STARD9: variants seen among roughly 807,000 people sequenced by gnomAD.
STARD9 encodes the protein StAR related lipid transfer domain containing 9, also known as stAR-related lipid transfer protein 9.
A neutral mutation model predicts 399.8 loss-of-function variants in STARD9; 346 were observed. That is an observed-to-expected ratio of 0.87 (90% confidence interval 0.79 to 0.95). STARD9 has a LOEUF of 0.95. Ranked by LOEUF, STARD9 falls within the 40% of genes least tolerant of loss-of-function variation. The pLI is 0.00. For missense variants in STARD9, 5,832 were observed against 5,667.5 expected (o/e 1.03, Z -0.93); for synonymous variants, 2,203 against 2,143.5 (o/e 1.03, Z -0.77).
At chr15:42,583,314 A>G (rs1381870387) in intron 1 of STARD9, 32 bp from the exon 2 acceptor site, 2 of 1,501,630 alleles carry the variant, frequency 1.3e-6, no homozygotes, top group East Asian at 4.9e-5. Context: ...TTTAAAAACA[A>G]CATTTCTTCT....
At chr15:42,713,977 A>AT (rs2061302692) in intron 26 of STARD9, among the ~76,000 whole-genome samples, 1 of 151,634 alleles carries the variant, frequency 6.6e-6, no homozygotes, top group South Asian at 2.1e-4. Flanking sequence ...CGTTTGGTAG[A>AT]TTTTACTAAT....
chr15:42,692,252 C>T lies in STARD9; in HGVS notation c.10674C>T (p.Phe3558=), dbSNP rs762134317. 2.0e-6 allele frequency: 3 copies of T among 1,537,038 alleles called. No individual in the cohort carries two copies. Among genetic ancestry groups the T allele is most frequent in the Non-Finnish European group, 2.6e-6 (3 of 1,146,898 alleles). ...AQGSNEAWEV[F]RGSSSIALGD... ...GTTCAAATGAGGCCTGGGAAGTATT[C>T]CGAGGGAGTTCTTCAATTGCCTTAG... Residue 3558 remains phenylalanine (F), a synonymous_variant, in exon 23 of 33, where the codon TTC becomes TTT. Coordinates refer to ENST00000290607, the MANE Select transcript of STARD9 (RefSeq NM_020759.3).
chr15:42,639,493 T>C (rs1174828310), intron 7 of STARD9, among the ~76,000 whole-genome samples: 1 of 152,154 alleles, frequency 6.6e-6, no homozygotes, highest in Non-Finnish European at 1.5e-5. Flanking sequence ...ATCATTAAGG[T>C]AGGTCCTGCT....
At position 42,638,773 on chromosome 15, in the gene STARD9, C is replaced by T. The variant is rs369566419; in HGVS notation, c.520C>T (p.Arg174Trp). Residue 174 changes from arginine (R) to tryptophan (W), a missense_variant, in exon 7 of 33, where the codon CGG (arginine) becomes TGG (tryptophan). Arg to Trp is a moderately radical substitution (Grantham distance 101, BLOSUM62 -3). Coordinates refer to ENST00000290607, the MANE Select transcript of STARD9 (RefSeq NM_020759.3). ...QSGQKKSYTL[R>W]VREHPEMGPY... is the part of the protein sequence containing the mutation. ...TGGTCAAAAAAAGTCCTATACCCTG[C>T]GGGTCAGGGAGCATCCAGAGATGGG... 1.4e-5 allele frequency: 21 copies of T among 1,535,596 alleles called. No individual in the cohort carries two copies. Among genetic ancestry groups the T allele is most frequent in the Middle Eastern group, 1.7e-4 (1 of 6,006 alleles).
intron 3 of STARD9, among the ~76,000 whole-genome samples, chr15:42,606,144 A>G (rs1041569359): frequency 2.6e-5 from 4 of 152,164 alleles, no homozygotes; most frequent in Non-Finnish European, 5.9e-5. Flanking sequence ...TGTATTGAGT[A>G]CTTATCACCT....
Position 42,686,015 on chromosome 15 carries a change from C to A in STARD9, c.4437C>A (p.Thr1479=). 6.5e-7 allele frequency: 1 copy of A among 1,537,310 alleles called. No homozygotes were observed. The highest frequency in any genetic ancestry group is 8.7e-7 in the Non-Finnish European group (1 of 1,146,918). The change falls in exon 23 of 33, where the codon ACC becomes ACA. Residue 1479 remains threonine (T), a synonymous_variant. Transcript: ENST00000290607. ...SATTLTHVGS[T]HERDWSALQQ... is the part of the protein sequence containing the mutation. Reference sequence around the variant, plus strand: ...CCACCTTGACTCATGTAGGCAGCACCCATGAAAGGGATTGGTCTGCCCTTC... The same window carrying A: ...CCACCTTGACTCATGTAGGCAGCACACATGAAAGGGATTGGTCTGCCCTTC...
rs183829153 is a variant in STARD9 at position 42,686,904 on chromosome 15, C to G, written c.5326C>G (p.Pro1776Ala). Residue 1776 changes from proline (P) to alanine (A), a missense_variant, in exon 23 of 33, where the codon CCC becomes GCC. Coordinates refer to ENST00000290607, the MANE Select transcript of STARD9 (RefSeq NM_020759.3). ...AGAAGTAAGGGTACCCTCCCCACCC[C>G]CCAGGGAAGCCTGGGGCTTTGGTCA... ...CREVRVPSPP[P>A]REAWGFGHNH... 5 of 1,536,736 alleles carry G rather than the reference C, an allele frequency of 3.3e-6. No homozygotes were observed. The highest frequency in any genetic ancestry group is 2.7e-5 in the African/African-American group (2 of 73,030).
intron 26 of STARD9, among the ~76,000 whole-genome samples, chr15:42,716,357 A>G (rs556179118): frequency 1.3e-5 from 2 of 152,206 alleles, no homozygotes; most frequent in South Asian, 4.2e-4. Flanking sequence ...AGAGCCTCTC[A>G]TGCACTGATC....
intron 3 of STARD9, among the ~76,000 whole-genome samples, chr15:42,607,498 C>T (rs1280110060): frequency 1.3e-5 from 2 of 151,882 alleles, no homozygotes; most frequent in African/African-American, 2.4e-5. Flanking sequence ...CCACTGTGCC[C>T]ACCCTCCTGA....
At chr15:42,719,406 G>T in intron 32 of STARD9, 67 bp from the exon 33 acceptor site, 1 of 1,043,294 alleles carries the variant, frequency 9.6e-7, no homozygotes, top group South Asian at 1.4e-5. Flanking sequence ...GACTCCATGG[G>T]ACTGGAGTAC....
intron 7 of STARD9, among the ~76,000 whole-genome samples, chr15:42,642,231 A>G (rs1334216998): frequency 6.6e-6 from 1 of 152,214 alleles, no homozygotes; most frequent in East Asian, 1.9e-4. Flanking sequence ...ATATGAAAAT[A>G]TAAGCCCTTA....
intron 22 of STARD9, among the ~76,000 whole-genome samples, chr15:42,683,584 T>C (rs71474499): frequency 2.0e-5 from 3 of 152,140 alleles, no homozygotes; most frequent in East Asian, 3.9e-4. Context: ...CTATTTACAG[T>C]TTTCTTTTTT....
At chr15:42,679,374 C>G (rs1307282210) in intron 20 of STARD9, among the ~76,000 whole-genome samples, 1 of 152,230 alleles carries the variant, frequency 6.6e-6, no homozygotes, top group African/African-American at 2.4e-5. Context: ...TCTGTATGCT[C>G]CACTGTGTAT....
At chr15:42,594,839 A>G (rs1346774603) in intron 3 of STARD9, among the ~76,000 whole-genome samples, 1 of 152,152 alleles carries the variant, frequency 6.6e-6, no homozygotes, top group Non-Finnish European at 1.5e-5. Context: ...GTCAACTGGG[A>G]TGAGGAAATT....
At chr15:42,671,833 G>T (rs1163635189) in intron 16 of STARD9, 3 of 152,092 alleles carry the variant, frequency 2.0e-5, no homozygotes, top group Non-Finnish European at 4.4e-5. Flanking sequence ...GTAGAGACGG[G>T]GATTCACCAT....
At chr15:42,710,890 GCTCTCTCTCT>G (rs34768575) in intron 26 of STARD9, among the ~76,000 whole-genome samples, 1 of 133,796 alleles carries the variant, frequency 7.5e-6, no homozygotes, top group Non-Finnish European at 1.6e-5. Flanking sequence ...TCACTTGTGC[GCTCTCTCTCT>G]CTCTCTCTCT....
chr15:42,669,075 A>G lies in STARD9; in HGVS notation c.1318-83A>G, dbSNP rs1851352607. 26 of 1,213,604 alleles carry G rather than the reference A, an allele frequency of 2.1e-5. 1 individual carries two copies. The South Asian group carries it at 4.0e-4, about 19-fold the overall frequency. The allele number at this position is 1,213,604 out of a possible 1,614,324, so 75.2% of individuals were successfully genotyped here. Reference sequence around the variant, plus strand: ...TCATAAGAAAGCAGTACCCTGGGGAAATAGGAATAGATTGTAATGACTTCT... The same window carrying G: ...TCATAAGAAAGCAGTACCCTGGGGAGATAGGAATAGATTGTAATGACTTCT... On this transcript the variant is annotated intron_variant, in intron 15 of 32. Coordinates refer to ENST00000290607, the MANE Select transcript of STARD9 (RefSeq NM_020759.3).
intron 6 of STARD9, among the ~76,000 whole-genome samples, chr15:42,638,314 C>T (rs2059458421): frequency 1.3e-5 from 2 of 152,080 alleles, no homozygotes; most frequent in Admixed American, 1.3e-4. Flanking sequence ...CTTCTGTGGC[C>T]CAACTTACCC....
intron 15 of STARD9, among the ~76,000 whole-genome samples, chr15:42,668,328 A>AT (rs2060142353): frequency 1.3e-5 from 2 of 151,786 alleles, no homozygotes; most frequent in South Asian, 2.1e-4. Flanking sequence ...ACCTGGCATA[A>AT]TTTTTTTTAA....
Sources: allele counts gnomAD v4.1 joint callset (sites outside exome capture counted in the v4.1 genomes callset), GRCh38; gene constraint gnomAD v4.1.1; transcripts MANE v1.5; gene names NCBI Gene and HGNC (gene_info 2026-07-23, HGNC 2026-07-21).